Variants in NDUFAF7 observed in about 807,000 individuals in gnomAD.
The protein encoded by NDUFAF7 is NADH:ubiquinone oxidoreductase complex assembly factor 7.
In NDUFAF7, 48 loss-of-function variants were observed where a neutral mutation model predicts 47.2. The observed-to-expected ratio is 1.02, with a 90% CI of 0.81 to 1.29. The LOEUF (loss-of-function observed/expected upper bound fraction) is 1.29, where lower values mean the gene tolerates loss of function less well. Among genes scored for constraint, NDUFAF7 ranks in the 50% most tolerant of loss-of-function variants. NDUFAF7 has a pLI of 0.00. For missense variants in NDUFAF7, 635 were observed against 537.6 expected, an observed-to-expected ratio of 1.18 and a Z score of -1.79; for synonymous variants, 217 against 190.0, an observed-to-expected ratio of 1.14 and a Z score of -1.17.
At chr2:37,266,335 T>C in the NDUFAF7 span, among the ~76,000 whole-genome samples, 1 of 152,240 alleles carries the variant, frequency 6.6e-6, no homozygotes. Context: ...CCATTTTTTG[T>C]TGTTGTTGAG....
the NDUFAF7 span, chr2:37,269,590 T>G: frequency 6.3e-7 from 1 of 1,579,866 alleles, no homozygotes; most frequent in Admixed American, 1.7e-5. Context: ...ATGTGTACAA[T>G]ATGCAAACGG....
the NDUFAF7 span, among the ~76,000 whole-genome samples, chr2:37,262,032 C>T: frequency 6.6e-6 from 1 of 152,158 alleles, no homozygotes; most frequent in Non-Finnish European, 1.5e-5. Flanking sequence ...TTAAGGTAGG[C>T]TACACGGGGC....
rs1220101288 is a variant in NDUFAF7 at position 37,241,779 on chromosome 2, G to A, written c.610G>A (p.Asp204Asn). 6 of 1,613,326 alleles carry A rather than the reference G, an allele frequency of 3.7e-6. No homozygotes were observed. The highest frequency in any genetic ancestry group is 5.1e-6 in the Non-Finnish European group (6 of 1,179,848). The stretch of plus-strand genomic sequence containing the variant: ...AATTTCCTGGTACCGAGATCTGCAC[G>A]ATGTTCCAAAAGGTAATTACCTTTA... ...IPISWYRDLH[D>N]VPKGYSFYLA... Residue 204 changes from aspartate to asparagine, a missense_variant, in exon 5 of 10, where the codon GAT (aspartate) becomes AAT (asparagine). Transcript: ENST00000002125.
At chr2:37,241,112 A>G (rs1666290068) in intron 4 of NDUFAF7, among the ~76,000 whole-genome samples, 1 of 152,218 alleles carries the variant, frequency 6.6e-6, no homozygotes, top group African/African-American at 2.4e-5. Context: ...AGCTAAATAT[A>G]GATTGAAAAT....
intron 6 of NDUFAF7, 107 bp from the exon 7 acceptor site, chr2:37,243,756 G>C (rs933273598): frequency 1.3e-6 from 1 of 790,616 alleles, no homozygotes; most frequent in African/African-American, 1.7e-5. Flanking sequence ...TAAGTTCTCT[G>C]TAAATGTTAG....
Position 37,243,882 on chromosome 2 carries a change from G to T in NDUFAF7, c.701G>T (p.Arg234Leu). The change falls in exon 7 of 10, where the codon CGA (arginine) becomes CTA (leucine). Residue 234 changes from arginine (R) to leucine (L), a missense_variant. Arg to Leu is a moderately radical substitution (Grantham distance 102). Transcript: ENST00000002125. Reference protein sequence around the residue: ...HKFQKTPQGWREVFVDIDPQV... With the variant: ...HKFQKTPQGWLEVFVDIDPQV... Reference sequence around the variant, plus strand: ...GTTTAGAAAACACCACAGGGATGGCGAGAAGTATTTGTTGACATTGATCCA... The same window carrying T: ...GTTTAGAAAACACCACAGGGATGGCTAGAAGTATTTGTTGACATTGATCCA... 2 of 1,614,006 alleles carry T rather than the reference G, an allele frequency of 1.2e-6. No individual in the cohort carries two copies. The highest frequency in any genetic ancestry group is 2.2e-5 in the South Asian group (2 of 91,072).
intron 5 of NDUFAF7, chr2:37,242,090 A>T: frequency 2.4e-6 from 1 of 410,150 alleles, no homozygotes. Flanking sequence ...GAGCAGCCCA[A>T]GGCAGCTGGG....
chr2:37,254,159 C>G (rs1209315534), downstream of NDUFAF7: 3 of 1,402,696 alleles, frequency 2.1e-6, no homozygotes, highest in Non-Finnish European at 3.0e-6. Context: ...TCAGAGTGAA[C>G]TACTCAAATG....
rs749043301 is a variant in NDUFAF7 at position 37,247,506 on chromosome 2, AGATCTAACAGCT to A, written c.991_1002del (p.Leu331_Asp334del). 15 of 1,614,116 alleles carry A rather than the reference AGATCTAACAGCT, an allele frequency of 9.3e-6. No homozygotes were observed. Among genetic ancestry groups the A allele is most frequent in the Non-Finnish European group, 1.2e-5 (14 of 1,179,992 alleles). ...ATGTCTTAATTGCCCCAGGAACAGC[AGATCTAACAGCT>A]GATGTGGACTTCAGTTATTTGCGAA... is the stretch of plus-strand genomic sequence containing the variant. On this transcript the variant is annotated inframe_deletion, in exon 9 of 10. Coordinates refer to ENST00000002125, the MANE Select transcript of NDUFAF7 (RefSeq NM_144736.5).
At chr2:37,270,554 T>G in the NDUFAF7 span, among the ~76,000 whole-genome samples, 2 of 152,194 alleles carry the variant, frequency 1.3e-5, no homozygotes, top group Non-Finnish European at 2.9e-5. Flanking sequence ...AATATACTAA[T>G]TTGGGATGTT....
At chr2:37,253,217 A>G (rs762464896), downstream of NDUFAF7, 18 of 1,611,980 alleles carry the variant, frequency 1.1e-5, no homozygotes, top group Non-Finnish European at 1.4e-5. Flanking sequence ...AGGAGCCATA[A>G]TGAAGTGCTT....
the NDUFAF7 span, chr2:37,267,282 C>T: frequency 2.0e-6 from 1 of 494,302 alleles, no homozygotes; most frequent in Non-Finnish European, 3.5e-6. Context: ...AAAACTACTA[C>T]CATAAAGCAA....
chr2:37,236,931 C>T (rs1190992208), intron 3 of NDUFAF7, among the ~76,000 whole-genome samples: 3 of 152,066 alleles, frequency 2.0e-5, no homozygotes, highest in African/African-American at 7.2e-5. Context: ...CTAAAGCTCC[C>T]AGTCATGATT....
chr2:37,243,629 T>G (rs918799776), intron 6 of NDUFAF7, among the ~76,000 whole-genome samples: 1 of 152,228 alleles, frequency 6.6e-6, no homozygotes, highest in African/African-American at 2.4e-5. Flanking sequence ...TGGGGTACTT[T>G]CCATGCTGCT....
chr2:37,236,183 T>C lies in NDUFAF7; in HGVS notation c.297+7T>C, dbSNP rs776766293. On this transcript the variant is annotated splice_region_variant and intron_variant, in intron 3 of 9. Coordinates refer to ENST00000002125, the MANE Select transcript of NDUFAF7 (RefSeq NM_144736.5). ...AAGTCAAATCTTTGGGGAGGTAATA[T>C]ACTATGTAAAGTATGAATGAAGCTA... 3.8e-6 allele frequency: 6 copies of C among 1,584,634 alleles called. No individual in the cohort carries two copies. The highest frequency in any genetic ancestry group is 2.7e-5 in the African/African-American group (2 of 74,236).
chr2:37,234,335 G>T, intron 2 of NDUFAF7, among the ~76,000 whole-genome samples: 1 of 152,082 alleles, frequency 6.6e-6, no homozygotes, highest in East Asian at 1.9e-4. Flanking sequence ...CATATGATCC[G>T]CCTGTCTCAG....
At position 37,248,133 on chromosome 2, in the gene NDUFAF7, A is replaced by G. The variant is rs772522972; in HGVS notation, c.1111-2A>G. The G allele has an allele frequency of 3.7e-6, 6 of 1,611,182 alleles. No homozygotes were observed. Among genetic ancestry groups the G allele is most frequent in the Middle Eastern group, 1.7e-4 (1 of 6,050 alleles). ...TTTTGCTAAGAATTTTTTTCTTTTC[A>G]GGTTCTTTTAGATAAATCAAATGAG... On this transcript the variant is annotated splice_acceptor_variant, in intron 9 of 9. Transcript: ENST00000002125. LOFTEE classifies it high-confidence loss of function.
At chr2:37,257,200 T>C (rs1668020530), downstream of NDUFAF7, among the ~76,000 whole-genome samples, 3 of 152,130 alleles carry the variant, frequency 2.0e-5, no homozygotes, top group Non-Finnish European at 4.4e-5. Context: ...ACCAGACTGG[T>C]GTTATAAGTG....
intron 2 of NDUFAF7, 113 bp downstream of exon 2, chr2:37,232,379 GGAAGAGCCATTT>G: frequency 7.2e-7 from 1 of 1,384,372 alleles, no homozygotes; most frequent in Non-Finnish European, 1.0e-6. Context: ...GCCTGCCAGG[GGAAGAGCCATTT>G]CTGAGGACCT....
Sources: gnomAD v4.1 joint callset for allele counts (sites outside exome capture counted in the v4.1 genomes callset) on GRCh38, gnomAD v4.1.1 for gene constraint, MANE v1.5 for transcripts, NCBI Gene and HGNC (gene_info 2026-07-23, HGNC 2026-07-21) for gene names.